Variants in RAD51B observed in about 807,000 individuals in gnomAD.
RAD51B encodes DNA repair protein RAD51 homolog 2.
In RAD51B, 38 loss-of-function variants were observed where a neutral mutation model predicts 42.2. The ratio of observed to expected loss-of-function variants is 0.90; its 90% CI spans 0.70 to 1.18. RAD51B has a LOEUF of 1.18. Ranked by LOEUF, RAD51B falls within the 50% of genes most tolerant of loss-of-function variation. The pLI, the probability that RAD51B is intolerant of heterozygous loss-of-function variation, is 0.00. For synonymous variants in RAD51B, 154 were observed against 145.2 expected (o/e 1.06, Z -0.43); for missense variants, 373 against 400.7 (o/e 0.93, Z 0.59).
chr14:68,184,806 G>A (rs1044734348), intron 7 of RAD51B, among the ~76,000 whole-genome samples: 1 of 152,180 alleles, frequency 6.6e-6, no homozygotes, highest in African/African-American at 2.4e-5. Flanking sequence ...TGTTTCTGAA[G>A]ATTTATTCTT....
At chr14:68,327,369 GT>G (rs113226166) in intron 8 of RAD51B, among the ~76,000 whole-genome samples, 18 of 77,100 alleles carry the variant, frequency 2.3e-4, no homozygotes, top group African/African-American at 4.2e-4. Flanking sequence ...TCTTCAGTTT[GT>G]TTTTTTTTGT....
chr14:68,313,597 C>T (rs2082002637), intron 8 of RAD51B, among the ~76,000 whole-genome samples: 1 of 152,166 alleles, frequency 6.6e-6, no homozygotes, highest in Non-Finnish European at 1.5e-5. Context: ...ACTTGGCTCT[C>T]TTCTCTGGGT....
intron 9 of RAD51B, among the ~76,000 whole-genome samples, chr14:68,457,543 A>G (rs974772648): frequency 1.3e-5 from 2 of 152,184 alleles, no homozygotes; most frequent in Non-Finnish European, 2.9e-5. Flanking sequence ...GCATACTACC[A>G]TATATTTGTA....
intron 8 of RAD51B, among the ~76,000 whole-genome samples, chr14:68,331,090 G>T (rs1179346777): frequency 6.6e-6 from 1 of 152,048 alleles, no homozygotes; most frequent in South Asian, 2.1e-4. Context: ...CTGGCCGGGC[G>T]CGGTGGCTCA....
intron 8 of RAD51B, among the ~76,000 whole-genome samples, chr14:68,395,045 C>T (rs1168056966): frequency 2.0e-5 from 3 of 152,172 alleles, no homozygotes; most frequent in South Asian, 2.1e-4. Flanking sequence ...CAAGATCTGT[C>T]GGCATCCCCC....
At chr14:67,995,416 CAAA>C (rs2075364236) in intron 7 of RAD51B, among the ~76,000 whole-genome samples, 1 of 151,612 alleles carries the variant, frequency 6.6e-6, no homozygotes, top group African/African-American at 2.4e-5. Flanking sequence ...ACAACAACAA[CAAA>C]AAGAACACAC....
intron 7 of RAD51B, among the ~76,000 whole-genome samples, chr14:68,275,177 T>C (rs2081195936): frequency 2.0e-5 from 3 of 152,200 alleles, no homozygotes; most frequent in Admixed American, 6.5e-5. Flanking sequence ...GAGTGCTGAT[T>C]ATTATGCAGT....
chr14:67,823,555 G>A lies in RAD51B; in HGVS notation c.12G>A (p.Lys4=). 6.2e-7 allele frequency: 1 copy of A among 1,613,660 alleles called. No individual in the cohort carries two copies. Among genetic ancestry groups the A allele is most frequent in the Non-Finnish European group, 8.5e-7 (1 of 1,179,802 alleles). ...CTGGATCTGGAGGCATGGGTAGCAA[G>A]AAACTAAAACGAGTGGGTTTATCAC... The part of the protein sequence containing the change: MGS[K]KLKRVGLSQE... The change falls in exon 2 of 11, where the codon AAG becomes AAA. Residue 4 remains lysine, a synonymous_variant. Coordinates refer to ENST00000471583, the MANE Select transcript of RAD51B (RefSeq NM_133510.4).
At chr14:68,528,623 G>A (rs1208452293) in intron 10 of RAD51B, among the ~76,000 whole-genome samples, 1 of 151,944 alleles carries the variant, frequency 6.6e-6, no homozygotes, top group East Asian at 1.9e-4. Context: ...CATATTTAGT[G>A]GGAAAAAAAA....
At chr14:68,153,289 A>G (rs1461895216) in intron 7 of RAD51B, among the ~76,000 whole-genome samples, 1 of 152,206 alleles carries the variant, frequency 6.6e-6, no homozygotes, top group Non-Finnish European at 1.5e-5. Flanking sequence ...TATTTTGATA[A>G]TAAGAAATAA....
chr14:68,124,329 G>T (rs2077711600), intron 7 of RAD51B, among the ~76,000 whole-genome samples: 1 of 152,112 alleles, frequency 6.6e-6, no homozygotes, highest in African/African-American at 2.4e-5. Flanking sequence ...CCTAATAGAG[G>T]CACAATAGTA....
At chr14:68,638,858 G>A (rs1892396923) in intron 10 of RAD51B, among the ~76,000 whole-genome samples, 2 of 152,202 alleles carry the variant, frequency 1.3e-5, no homozygotes, top group Admixed American at 1.3e-4. Flanking sequence ...TATGGAGCTG[G>A]AGAGAAAACA....
chr14:67,934,427 G>A (rs1316843710), intron 7 of RAD51B, among the ~76,000 whole-genome samples: 1 of 152,144 alleles, frequency 6.6e-6, no homozygotes, highest in East Asian at 1.9e-4. Flanking sequence ...ATTAGCTCAG[G>A]AAAGTGGTAT....
intron 11 of RAD51B, among the ~76,000 whole-genome samples, chr14:68,680,673 G>A (rs1893409063): frequency 6.6e-6 from 1 of 151,984 alleles, no homozygotes; most frequent in African/African-American, 2.4e-5. Flanking sequence ...CCTGATCCAC[G>A]CAAATCAAGA....
At chr14:68,378,671 G>A (rs1225373178) in intron 8 of RAD51B, among the ~76,000 whole-genome samples, 1 of 147,190 alleles carries the variant, frequency 6.8e-6, no homozygotes, top group African/African-American at 2.5e-5. Flanking sequence ...TTGTTATATT[G>A]TTATTTTTCA....
downstream of RAD51B, among the ~76,000 whole-genome samples, chr14:68,480,024 C>G (rs1036192658): frequency 3.3e-5 from 5 of 152,086 alleles, no homozygotes; most frequent in Non-Finnish European, 7.4e-5. Context: ...TCACATAAAA[C>G]TTACGTTAAA....
chr14:68,100,128 A>G (rs531349817), intron 7 of RAD51B, among the ~76,000 whole-genome samples: 2 of 152,192 alleles, frequency 1.3e-5, no homozygotes, highest in African/African-American at 2.4e-5. Flanking sequence ...CCCTGTCTAC[A>G]TGGGTAAGCT....
intron 7 of RAD51B, among the ~76,000 whole-genome samples, chr14:68,254,020 G>A (rs2080699482): frequency 1.3e-5 from 2 of 152,126 alleles, no homozygotes; most frequent in African/African-American, 4.8e-5. Context: ...GCAGTGTTAG[G>A]TGAAGCTCAT....
chr14:68,659,073 C>T (rs533354049), intron 11 of RAD51B, among the ~76,000 whole-genome samples: 19 of 152,306 alleles, frequency 1.2e-4, no homozygotes, highest in African/African-American at 3.8e-4. Context: ...CAAGGGTGAC[C>T]GTGTGGCCTG....
Sources: allele counts gnomAD v4.1 joint callset (sites outside exome capture counted in the v4.1 genomes callset), GRCh38; gene constraint gnomAD v4.1.1; transcripts MANE v1.5; gene names NCBI Gene and HGNC (gene_info 2026-07-23, HGNC 2026-07-21).